MORC1: variants seen among roughly 807,000 people sequenced by gnomAD.
MORC1 encodes the protein MORC family CW-type zinc finger 1, also known as MORC family CW-type zinc finger protein 1.
In MORC1, 59 loss-of-function variants were observed where a neutral mutation model predicts 134.9. The ratio of observed to expected loss-of-function variants is 0.44; its 90% CI spans 0.35 to 0.54. The LOEUF is 0.54. MORC1 is among the 20% of genes least tolerant of loss of function. The pLI is 0.00. For missense variants in MORC1, 947 were observed against 1,134.5 expected, an observed-to-expected ratio of 0.83 and a Z score of 2.37; for synonymous variants, 395 against 391.7, an observed-to-expected ratio of 1.01 and a Z score of -0.10.
intron 12 of MORC1, 57 bp from the exon 13 acceptor site, chr3:109,057,543 T>G (rs1334641447): frequency 7.0e-7 from 1 of 1,425,198 alleles, no homozygotes; most frequent in Non-Finnish European, 9.4e-7. Context: ...ATACACAGTT[T>G]AGGAAACTGC....
At chr3:109,079,171 A>G (rs927568009) in intron 8 of MORC1, among the ~76,000 whole-genome samples, 1 of 152,082 alleles carries the variant, frequency 6.6e-6, no homozygotes, top group East Asian at 1.9e-4. Context: ...AAATGATAAT[A>G]AAAGCACAGT....
In MORC1 at chr3:108,990,898, T is replaced by TTC. The variant is rs34333221; in HGVS notation, c.2188-3951_2188-3950dup. Among the ~76,000 whole-genome samples the TTC allele has an allele frequency of 5.6e-3, 823 of 145,734 alleles. 5 individuals are homozygous for TTC. The highest frequency in any genetic ancestry group is 0.041 in the South Asian group (189 of 4,562). ...AAGGCTTAGGTTTATGTTTCTCTCTTTCTCTCTCTCTCTCTCTCTCTCTCT... is the reference window on the plus strand; with the variant it reads ...AAGGCTTAGGTTTATGTTTCTCTCTTTCTCTCTCTCTCTCTCTCTCTCTCTCT... On this transcript the variant is annotated intron_variant, in intron 21 of 27. Transcript: ENST00000232603.
chr3:109,093,642 T>G, intron 7 of MORC1, 101 bp from the exon 8 acceptor site: 1 of 845,120 alleles, frequency 1.2e-6, no homozygotes, highest in Non-Finnish European at 1.8e-6. Context: ...TGCTATAAAA[T>G]TTTCTTTTGT....
intron 9 of MORC1, among the ~76,000 whole-genome samples, chr3:109,068,770 C>A (rs1437613714): frequency 4.6e-5 from 7 of 152,080 alleles, no homozygotes; most frequent in Non-Finnish European, 1.0e-4. Context: ...GAAAGACTAC[C>A]CAGAAACCAC....
intron 17 of MORC1, among the ~76,000 whole-genome samples, chr3:109,019,369 T>C (rs1357910690): frequency 6.6e-6 from 1 of 152,186 alleles, no homozygotes; most frequent in Non-Finnish European, 1.5e-5. Flanking sequence ...ACAGAGCTAC[T>C]CAGAAAAAGA....
Position 109,045,846 on chromosome 3 carries a change from T to C in MORC1, c.1330+8882A>G, listed in dbSNP as rs115911555. On this transcript the variant is annotated intron_variant, in intron 14 of 27. Transcript: ENST00000232603. Reference sequence around the variant, plus strand: ...ACGCTCCCCTGCAAAACTCCAGTAGTCTGCAGCTGGCCCAATTCACTCCAA... The same window carrying C: ...ACGCTCCCCTGCAAAACTCCAGTAGCCTGCAGCTGGCCCAATTCACTCCAA... 5.1e-3 allele frequency among the ~76,000 whole-genome samples: 776 copies of C among 152,196 alleles called. 18 individuals are homozygous for C. The highest frequency in any genetic ancestry group is 0.018 in the African/African-American group (744 of 41,502).
chr3:108,984,568 C>A, intron 23 of MORC1, 148 bp downstream of exon 23: 1 of 575,352 alleles, frequency 1.7e-6, no homozygotes, highest in East Asian at 3.4e-5. Flanking sequence ...ATTGCTAATT[C>A]TTTCACATCT....
In MORC1 at chr3:109,001,702, AT is replaced by A. The variant is rs773284431; in HGVS notation, c.2086-1045del. ...TCGTAGCTAGCCACAAAATGCTAAA[AT>A]TCCTCAAGCTTCTGTCTAGTCCTTC... On this transcript the variant is annotated intron_variant, in intron 20 of 27. Coordinates refer to ENST00000232603, the MANE Select transcript of MORC1 (RefSeq NM_014429.4). 6.6e-5 allele frequency among the ~76,000 whole-genome samples: 10 copies of A among 152,222 alleles called. 1 individual carries two copies. The highest frequency in any genetic ancestry group is 5.9e-4 in the Admixed American group (9 of 15,284).
chr3:109,012,438 T>C (rs758133150), intron 17 of MORC1, among the ~76,000 whole-genome samples: 10 of 152,240 alleles, frequency 6.6e-5, no homozygotes, highest in East Asian at 1.9e-4. Flanking sequence ...GCATGCCATA[T>C]AAATTTTAGA....
chr3:109,052,356 G>C (rs1440450375), intron 14 of MORC1, among the ~76,000 whole-genome samples: 1 of 152,130 alleles, frequency 6.6e-6, no homozygotes, highest in African/African-American at 2.4e-5. Flanking sequence ...TCTCAAATTT[G>C]ATTGTGAATA....
At chr3:109,092,068 C>T (rs1019855784) in intron 8 of MORC1, among the ~76,000 whole-genome samples, 3 of 152,094 alleles carry the variant, frequency 2.0e-5, no homozygotes, top group Admixed American at 6.5e-5. Flanking sequence ...CATGAAATAT[C>T]GGTTTTGGAA....
At chr3:109,114,715 CTTTTAATATTACTTTATAAG>C (rs1346800800) in intron 1 of MORC1, among the ~76,000 whole-genome samples, 1 of 152,106 alleles carries the variant, frequency 6.6e-6, no homozygotes, top group East Asian at 1.9e-4. Context: ...AAACTTTGAC[CTTTTAATATTACTTTATAAG>C]CATGTTTTCA....
intron 14 of MORC1, among the ~76,000 whole-genome samples, chr3:109,043,094 A>G (rs1949593636): frequency 6.7e-6 from 1 of 148,384 alleles, no homozygotes; most frequent in African/African-American, 2.5e-5. Context: ...GTGTATACCC[A>G]TCTTCATAGT....
intron 8 of MORC1, among the ~76,000 whole-genome samples, chr3:109,075,077 T>C (rs1240370357): frequency 6.6e-6 from 1 of 152,206 alleles, no homozygotes; most frequent in African/African-American, 2.4e-5. Context: ...GATGTCCATG[T>C]TTTCTAGTTC....
chr3:109,016,870 A>C (rs139605442), intron 17 of MORC1, among the ~76,000 whole-genome samples: 1 of 152,318 alleles, frequency 6.6e-6, no homozygotes, highest in East Asian at 1.9e-4. Context: ...ATCTCAAAAA[A>C]AGAAAAAAGA....
rs776852407 is a variant in MORC1 at position 109,118,016 on chromosome 3, A to C, written c.44T>G (p.Leu15Arg). ...YPALQRAQLR[L>R]DFIHANSTTH... ...TCACGAGTTGGCGTGGATGAAATCC[A>C]GACGCAGCTGGGCCCGCTGAAGCGC... The change falls in exon 1 of 28, where the codon CTG becomes CGG. Residue 15 changes from leucine (L) to arginine (R), a missense_variant. Around this residue, in one of 3 missense-constraint regions of MORC1, gnomAD observed 214 missense variants for 281.3 expected, o/e 0.76. Transcript: ENST00000232603. 30 of 1,608,628 alleles carry C rather than the reference A, an allele frequency of 1.9e-5. No homozygotes were observed. The highest frequency in any genetic ancestry group is 2.4e-5 in the Non-Finnish European group (28 of 1,177,958).
chr3:108,979,407 A>T, intron 24 of MORC1, 108 bp downstream of exon 24: 1 of 1,197,380 alleles, frequency 8.4e-7, no homozygotes, highest in Non-Finnish European at 1.2e-6. Context: ...ATGTCACTCT[A>T]CTGAATTTAT....
chr3:109,004,404 T>C (rs1167793516), intron 20 of MORC1, among the ~76,000 whole-genome samples: 1 of 152,200 alleles, frequency 6.6e-6, no homozygotes, highest in Non-Finnish European at 1.5e-5. Flanking sequence ...ATGAAAGTTA[T>C]TGAGATGATG....
intron 21 of MORC1, among the ~76,000 whole-genome samples, chr3:108,997,677 A>G (rs1948272068): frequency 6.6e-6 from 1 of 152,188 alleles, no homozygotes; most frequent in African/African-American, 2.4e-5. Context: ...GCAGTGAGGT[A>G]ATTTTGGAGA....
Sources: allele counts gnomAD v4.1 joint callset (sites outside exome capture counted in the v4.1 genomes callset), GRCh38; gene constraint gnomAD v4.1.1; regional missense constraint gnomAD v4.1.1; transcripts MANE v1.5; gene names NCBI Gene and HGNC (gene_info 2026-07-23, HGNC 2026-07-21).